The following CMIP variants were observed in gnomAD, a reference collection of about 807,000 sequenced individuals.
CMIP encodes C-Maf-inducing protein.
Under a neutral mutation model 97.3 loss-of-function variants are expected in CMIP, and 13 were observed. The observed-to-expected ratio is 0.13, with a 90% CI of 0.09 to 0.21. CMIP has a LOEUF of 0.21. Ranked by LOEUF, CMIP falls within the 10% of genes least tolerant of loss-of-function variation. CMIP has a pLI of 1.00. For missense variants in CMIP, 847 were observed against 1,024.9 expected (o/e 0.83, Z 2.37); for synonymous variants, 538 against 436.3 (o/e 1.23, Z -2.91).
At chr16:81,524,744 C>T (rs537436533) in intron 1 of CMIP, among the ~76,000 whole-genome samples, 2 of 152,186 alleles carry the variant, frequency 1.3e-5, no homozygotes, top group Admixed American at 6.5e-5. Flanking sequence ...CTATTCTTGA[C>T]AGTAACTGCG....
chr16:81,685,751 A>C (rs1408606808), intron 10 of CMIP, among the ~76,000 whole-genome samples: 1 of 140,812 alleles, frequency 7.1e-6, no homozygotes, highest in Non-Finnish European at 1.5e-5. Context: ...CTTTTTAGAG[A>C]TGGGATCTCT....
chr16:81,647,144 C>A lies in CMIP; in HGVS notation c.478-5059C>A, dbSNP rs145669944. 1.6e-4 allele frequency among the ~76,000 whole-genome samples: 24 copies of A among 152,356 alleles called. 1 individual carries two copies. Among genetic ancestry groups the A allele is most frequent in the South Asian group, 1.2e-3 (6 of 4,826 alleles). On this transcript the variant is annotated intron_variant, in intron 3 of 20. Coordinates refer to ENST00000537098, the MANE Select transcript of CMIP (RefSeq NM_198390.3). The stretch of plus-strand genomic sequence containing the variant: ...CGTTGTCTGTCATTTTCTATTACAG[C>A]CATCCTCGTAGGACGAAGTCGTATC...
At chr16:81,456,078 T>G (rs951525345) in intron 1 of CMIP, among the ~76,000 whole-genome samples, 17 of 152,212 alleles carry the variant, frequency 1.1e-4, no homozygotes, top group Non-Finnish European at 1.5e-5. Flanking sequence ...CCTGGTTGGT[T>G]CATGTTTCAC....
chr16:81,648,155 A>T (rs1010119819), intron 3 of CMIP, among the ~76,000 whole-genome samples: 3 of 142,764 alleles, frequency 2.1e-5, no homozygotes, highest in Admixed American at 7.2e-5. Flanking sequence ...CTTCTTCAGG[A>T]TCTCTTGGCA....
chr16:81,708,314 GC>G (rs1908381376), intron 20 of CMIP, among the ~76,000 whole-genome samples: 1 of 152,234 alleles, frequency 6.6e-6, no homozygotes, highest in African/African-American at 2.4e-5. Context: ...CCACTCGGGG[GC>G]CAACAGAAAT....
At chr16:81,551,578 C>T (rs938322120) in intron 1 of CMIP, among the ~76,000 whole-genome samples, 1 of 152,246 alleles carries the variant, frequency 6.6e-6, no homozygotes. Context: ...CAAAGACACA[C>T]TGGGGCCGTG....
chr16:81,532,382 G>A (rs1256261946), intron 1 of CMIP, among the ~76,000 whole-genome samples: 2 of 152,216 alleles, frequency 1.3e-5, no homozygotes, highest in East Asian at 3.8e-4. Context: ...TTAGAAGATT[G>A]ACTATCACTA....
At chr16:81,584,742 T>C (rs1000635131) in intron 1 of CMIP, among the ~76,000 whole-genome samples, 1 of 152,206 alleles carries the variant, frequency 6.6e-6, no homozygotes, top group African/African-American at 2.4e-5. Flanking sequence ...GAAATGACTT[T>C]CTGTTCTTGA....
intron 1 of CMIP, among the ~76,000 whole-genome samples, chr16:81,605,217 C>T (rs139476257): frequency 3.3e-5 from 5 of 152,308 alleles, no homozygotes; most frequent in South Asian, 4.1e-4. Flanking sequence ...CAGTGAAGGG[C>T]AGGCCCACGA....
intron 1 of CMIP, among the ~76,000 whole-genome samples, chr16:81,450,046 A>G (rs1906112166): frequency 1.3e-5 from 2 of 152,120 alleles, no homozygotes; most frequent in African/African-American, 4.8e-5. Flanking sequence ...AGATTGACTG[A>G]TGTGGCGGCC....
At position 81,459,056 on chromosome 16, in the gene CMIP, A is replaced by G. The variant is rs975808670; in HGVS notation, c.300+13515A>G. Among the ~76,000 whole-genome samples, 17 of 141,518 alleles carry G rather than the reference A, an allele frequency of 1.2e-4. No individual in the cohort carries two copies. The East Asian group carries it at 1.7e-3, about 14-fold the overall frequency. The allele number at this position is 141,518 out of a possible 152,430, so 92.8% of individuals were successfully genotyped here. A position where few individuals can be genotyped will look rare whatever the true frequency, so the allele number is the denominator to read the frequency against. On this transcript the variant is annotated intron_variant, in intron 1 of 20. Transcript: ENST00000537098. ...CATCACCATCACCATCACCATCACC[A>G]TCACTGTCACCGTCACCGTCACCAT...
chr16:81,487,473 C>A (rs956672392), intron 1 of CMIP, among the ~76,000 whole-genome samples: 1 of 152,178 alleles, frequency 6.6e-6, no homozygotes, highest in African/African-American at 2.4e-5. Flanking sequence ...AGCCTGTGGC[C>A]TGCCAAGCGG....
chr16:81,497,215 C>T (rs1231292618), intron 1 of CMIP, among the ~76,000 whole-genome samples: 1 of 152,200 alleles, frequency 6.6e-6, no homozygotes, highest in East Asian at 1.9e-4. Flanking sequence ...CTCAGGCAGA[C>T]CTAGGGCTCT....
chr16:81,607,508 G>T, intron 1 of CMIP, 59 bp from the exon 2 acceptor site: 2 of 1,591,846 alleles, frequency 1.3e-6, no homozygotes, highest in Non-Finnish European at 8.6e-7. Context: ...CTGAGATGCG[G>T]ACGTCATGCC....
intron 10 of CMIP, among the ~76,000 whole-genome samples, chr16:81,679,273 GTGTGTT>G (rs1454429727): frequency 6.6e-6 from 1 of 152,316 alleles, no homozygotes; most frequent in South Asian, 2.1e-4. Context: ...GTGTGTGTGT[GTGTGTT>G]AAATGCACAG....
intron 20 of CMIP, 59 bp from the exon 21 acceptor site, chr16:81,709,687 T>A: frequency 1.3e-6 from 2 of 1,595,956 alleles, no homozygotes; most frequent in Non-Finnish European, 1.7e-6. Flanking sequence ...AGCCAGGCAC[T>A]GGCAGCTTCT....
intron 8 of CMIP, among the ~76,000 whole-genome samples, chr16:81,671,151 C>G (rs74031234): frequency 0.042 from 6,423 of 152,192 alleles, 162 homozygotes; most frequent in Non-Finnish European, 0.052. Flanking sequence ...TTAAGAAAAT[C>G]ACAGTAACCC....
chr16:81,574,391 G>A (rs773742451), intron 1 of CMIP, among the ~76,000 whole-genome samples: 2 of 152,228 alleles, frequency 1.3e-5, no homozygotes, highest in Non-Finnish European at 2.9e-5. Context: ...GACATGGCAG[G>A]GGTGCCAGGC....
At chr16:81,496,361 T>C (rs1479424203) in intron 1 of CMIP, among the ~76,000 whole-genome samples, 1 of 152,182 alleles carries the variant, frequency 6.6e-6, no homozygotes, top group Non-Finnish European at 1.5e-5. Flanking sequence ...TTGGGGGCGA[T>C]GGATGGGAAA....
Sources: allele counts gnomAD v4.1 joint callset (sites outside exome capture counted in the v4.1 genomes callset), GRCh38; gene constraint gnomAD v4.1.1; transcripts MANE v1.5; gene names NCBI Gene and HGNC (gene_info 2026-07-23, HGNC 2026-07-21).